Variants in USP47 observed in about 807,000 individuals in gnomAD.
The protein encoded by USP47 is ubiquitin carboxyl-terminal hydrolase 47.
USP47 carries 35 observed loss-of-function variants against 165.1 expected under a neutral mutation model. That is an observed-to-expected ratio of 0.21 (90% CI 0.16 to 0.28). The LOEUF (loss-of-function observed/expected upper bound fraction) is 0.28. USP47 is among the 10% of genes least tolerant of loss of function. The probability of loss-of-function intolerance (pLI) is 1.00; values close to 1 mark genes in which losing one functional copy is unlikely to be tolerated. For missense variants in USP47, 1,277 were observed against 1,607.4 expected (o/e 0.79, Z 3.52); for synonymous variants, 531 against 544.5 (o/e 0.98, Z 0.35).
chr11:11,906,921 C>A (rs1852608302), intron 8 of USP47, among the ~76,000 whole-genome samples: 3 of 151,968 alleles, frequency 2.0e-5, no homozygotes, highest in Admixed American at 1.3e-4. Flanking sequence ...ATTTGGTAGT[C>A]CCAAGTGATA....
intron 5 of USP47, 73 bp from the exon 6 acceptor site, chr11:11,902,642 A>G (rs1013119697): frequency 9.1e-6 from 10 of 1,104,198 alleles, no homozygotes; most frequent in Non-Finnish European, 6.0e-6. Flanking sequence ...CATTATTATG[A>G]TTTTGATATT....
Position 11,925,876 on chromosome 11 carries a change from G to T in USP47, c.1386+2985G>T, listed in dbSNP as rs572497300. ...CATTTAATATGATGGTAGCTGTGGG[G>T]TTTTCATATAAGGCTTTCATTATGT... is the stretch of plus-strand genomic sequence containing the variant. On this transcript the variant is annotated intron_variant, in intron 11 of 27. Coordinates refer to ENST00000527733, the MANE Select transcript of USP47 (RefSeq NM_001282659.2). Among the ~76,000 whole-genome samples the T allele has an allele frequency of 2.2e-3, 338 of 152,120 alleles. 1 individual carries two copies. Among genetic ancestry groups the T allele is most frequent in the Non-Finnish European group, 3.3e-3 (227 of 67,968 alleles).
intron 8 of USP47, among the ~76,000 whole-genome samples, chr11:11,915,573 T>G (rs1404450630): frequency 6.6e-6 from 1 of 152,152 alleles, no homozygotes; most frequent in East Asian, 1.9e-4. Flanking sequence ...TATGCCATAG[T>G]TTTGCAAAAT....
chr11:11,849,195 G>A (rs1375977069), intron 1 of USP47, among the ~76,000 whole-genome samples: 4 of 152,186 alleles, frequency 2.6e-5, no homozygotes, highest in Non-Finnish European at 4.4e-5. Flanking sequence ...GAGCCACCAT[G>A]CCCAGCCTGT....
At chr11:11,879,225 A>C (rs1019568197) in intron 1 of USP47, among the ~76,000 whole-genome samples, 3 of 152,134 alleles carry the variant, frequency 2.0e-5, no homozygotes, top group African/African-American at 7.2e-5. Flanking sequence ...AAAGTGAAGG[A>C]GGTAGTTCAA....
intron 8 of USP47, 63 bp downstream of exon 8, chr11:11,905,611 A>G: frequency 1.4e-6 from 2 of 1,445,292 alleles, no homozygotes; most frequent in Non-Finnish European, 1.9e-6. Context: ...GCACAGTGGT[A>G]TAATCTCTTG....
chr11:11,933,942 T>C lies in USP47; in HGVS notation c.1869+7T>C. Reference sequence around the variant, plus strand: ...AGTAGAAATGGCTTATAAGGTATGTTTAATTGCATCATTGGCATTTACTTA... The same window carrying C: ...AGTAGAAATGGCTTATAAGGTATGTCTAATTGCATCATTGGCATTTACTTA... On this transcript the variant is annotated splice_region_variant and intron_variant, in intron 16 of 27. Coordinates refer to ENST00000527733, the MANE Select transcript of USP47 (RefSeq NM_001282659.2). The C allele has an allele frequency of 6.3e-7, 1 of 1,575,426 alleles. No homozygotes were observed. Among genetic ancestry groups the C allele is most frequent in the Non-Finnish European group, 8.7e-7 (1 of 1,149,008 alleles).
At chr11:11,912,649 AGAAAG>A (rs1005667021) in intron 8 of USP47, among the ~76,000 whole-genome samples, 2 of 152,104 alleles carry the variant, frequency 1.3e-5, no homozygotes, top group African/African-American at 4.8e-5. Flanking sequence ...TCAAAAAAAA[AGAAAG>A]GAAGAGGAGG....
At chr11:11,842,324 C>T (rs1420008738) in intron 1 of USP47, 100 bp downstream of exon 1, 12 of 1,386,022 alleles carry the variant, frequency 8.7e-6, no homozygotes, top group South Asian at 4.0e-5. Flanking sequence ...GGGGTGCAGG[C>T]TCGGCTGTGG....
chr11:11,915,246 C>T (rs545553184), intron 8 of USP47, among the ~76,000 whole-genome samples: 1 of 152,138 alleles, frequency 6.6e-6, no homozygotes, highest in African/African-American at 2.4e-5. Context: ...TTATTACATA[C>T]TTTATGATTC....
At chr11:11,933,971 A>G (rs1165275566) in intron 16 of USP47, 36 bp downstream of exon 16, 1 of 1,438,760 alleles carries the variant, frequency 7.0e-7, no homozygotes, top group Non-Finnish European at 9.7e-7. Context: ...TTACTTACTA[A>G]TACAACAGTA....
At chr11:11,902,270 G>A (rs1852278831) in intron 5 of USP47, among the ~76,000 whole-genome samples, 1 of 151,802 alleles carries the variant, frequency 6.6e-6, no homozygotes, top group Admixed American at 6.6e-5. Flanking sequence ...TTTCATCCTT[G>A]CAATTTATTC....
chr11:11,889,287 T>G (rs1387516323), intron 3 of USP47, among the ~76,000 whole-genome samples: 1 of 152,190 alleles, frequency 6.6e-6, no homozygotes, highest in African/African-American at 2.4e-5. Context: ...GACATGATCC[T>G]GTATCTAGAA....
At chr11:11,849,837 A>G (rs1300476567) in intron 1 of USP47, among the ~76,000 whole-genome samples, 1 of 152,132 alleles carries the variant, frequency 6.6e-6, no homozygotes, top group Non-Finnish European at 1.5e-5. Context: ...TTTCAAGACT[A>G]TACATGTCTG....
Position 11,957,007 on chromosome 11 carries a change from G to T in USP47, c.*832G>T, listed in dbSNP as rs1445661890. ...CGTATCATTCATTCTGTACATTTGT[G>T]TACATTGAGAAGTATAGCAATCTAT... On this transcript the variant is annotated 3_prime_UTR_variant, in exon 28 of 28. Coordinates refer to ENST00000527733, the MANE Select transcript of USP47 (RefSeq NM_001282659.2). The T allele has an allele frequency of 3.3e-5, 5 of 152,164 alleles. No individual in the cohort carries two copies. Among genetic ancestry groups the T allele is most frequent in the African/African-American group, 1.2e-4 (5 of 41,438 alleles). The allele number at this position is 152,164 out of a possible 1,614,324, so 9.4% of individuals were successfully genotyped here. A position where few individuals can be genotyped will look rare whatever the true frequency, so the allele number is the denominator to read the frequency against.
intron 11 of USP47, among the ~76,000 whole-genome samples, chr11:11,926,399 A>T (rs891296903): frequency 6.6e-6 from 1 of 152,104 alleles, no homozygotes; most frequent in Non-Finnish European, 1.5e-5. Context: ...TTCTTGAGTC[A>T]GCCTTCATAA....
At chr11:11,850,991 C>G (rs899973177) in intron 1 of USP47, among the ~76,000 whole-genome samples, 2 of 152,154 alleles carry the variant, frequency 1.3e-5, no homozygotes, top group Non-Finnish European at 1.5e-5. Context: ...AGTCACCATC[C>G]AAAGATCCCA....
intron 1 of USP47, among the ~76,000 whole-genome samples, chr11:11,871,312 G>A (rs1028903144): frequency 2.0e-5 from 3 of 151,612 alleles, no homozygotes; most frequent in Non-Finnish European, 4.4e-5. Flanking sequence ...GACCATCCTG[G>A]CCAACATGGT....
chr11:11,893,595 C>G (rs1287745725), intron 4 of USP47, among the ~76,000 whole-genome samples: 1 of 152,096 alleles, frequency 6.6e-6, no homozygotes, highest in Non-Finnish European at 1.5e-5. Context: ...CACCACAATG[C>G]CTGTCTTTTA....
Sources: gnomAD v4.1 joint callset for allele counts (sites outside exome capture counted in the v4.1 genomes callset) on GRCh38, gnomAD v4.1.1 for gene constraint, MANE v1.5 for transcripts, NCBI Gene and HGNC (gene_info 2026-07-23, HGNC 2026-07-21) for gene names.